The following RBFOX1 variants were observed in gnomAD, a reference collection of about 807,000 sequenced individuals.
RBFOX1 encodes the protein RNA binding fox-1 homolog 1.
Under a neutral mutation model 57.7 loss-of-function variants are expected in RBFOX1, and 8 were observed. The observed-to-expected ratio is 0.14, with a 90% CI of 0.08 to 0.25. RBFOX1 has a LOEUF of 0.25. Among genes scored for constraint, RBFOX1 ranks in the 10% least tolerant of loss-of-function variants. The pLI is 1.00. For missense variants in RBFOX1, 611 were observed against 548.5 expected, an observed-to-expected ratio of 1.11 and a Z score of -1.14; for synonymous variants, 326 against 222.4, an observed-to-expected ratio of 1.47 and a Z score of -4.15.
intron 4 of RBFOX1, among the ~76,000 whole-genome samples, chr16:7,284,440 C>T (rs1300441446): frequency 6.6e-6 from 1 of 152,166 alleles, no homozygotes; most frequent in Admixed American, 6.5e-5. Context: ...AAGCAGTCCT[C>T]CCACCTCAGC....
chr16:5,290,907 C>T (rs1339245462), intron 1 of RBFOX1, among the ~76,000 whole-genome samples: 2 of 152,038 alleles, frequency 1.3e-5, no homozygotes, highest in Non-Finnish European at 2.9e-5. Flanking sequence ...CCATGTTGAC[C>T]AGGCTGGTCT....
In RBFOX1 at chr16:6,637,949, A is replaced by C. The variant is rs375586253; in HGVS notation, c.-63-16654A>C. 1.4e-4 allele frequency among the ~76,000 whole-genome samples: 22 copies of C among 152,252 alleles called. No homozygotes were observed. In the East Asian group the frequency reaches 1.7e-3, roughly 12 times the overall value. On this transcript the variant is annotated intron_variant, in intron 2 of 15. Transcript: ENST00000550418. Reference sequence around the variant, plus strand: ...TAAAATGACAAAGTCTCTGTGCTTCAGTATATTAGCCTTCATAATTTTCAA... The same window carrying C: ...TAAAATGACAAAGTCTCTGTGCTTCCGTATATTAGCCTTCATAATTTTCAA...
At chr16:6,087,912 A>G (rs2096112688) in intron 1 of RBFOX1, among the ~76,000 whole-genome samples, 1 of 152,104 alleles carries the variant, frequency 6.6e-6, no homozygotes, top group South Asian at 2.1e-4. Context: ...CGGCCTCCCA[A>G]AATGCTGGGA....
chr16:6,949,208 T>A (rs2080189615), intron 3 of RBFOX1, among the ~76,000 whole-genome samples: 1 of 151,852 alleles, frequency 6.6e-6, no homozygotes, highest in Non-Finnish European at 1.5e-5. Flanking sequence ...AAAGCTAAAT[T>A]CCAGGATATA....
At position 6,704,073 on chromosome 16, in the gene RBFOX1, G is replaced by T. The variant is rs940098356; in HGVS notation, c.-16+49423G>T. 2.0e-5 allele frequency: 3 copies of T among 152,268 alleles called. No individual in the cohort carries two copies. The East Asian group carries it at 5.8e-4, about 29-fold the overall frequency. 9.4% of individuals were successfully genotyped at this position (152,268 alleles called of 1,614,324 possible). ...CTCCTCGAGCTCTTTGAAGTTGAGG[G>T]AGTCTATACTGCCAGGCACTATCCT... On this transcript the variant is annotated intron_variant, in intron 3 of 15. Coordinates refer to ENST00000550418, the MANE Select transcript of RBFOX1 (RefSeq NM_018723.4).
At chr16:7,690,211 G>C (rs755315427) in intron 14 of RBFOX1, among the ~76,000 whole-genome samples, 1 of 152,024 alleles carries the variant, frequency 6.6e-6, no homozygotes, top group Non-Finnish European at 1.5e-5. Context: ...CTCAGGAATG[G>C]GCCCTATCAC....
intron 2 of RBFOX1, among the ~76,000 whole-genome samples, chr16:6,477,719 T>C (rs568457061): frequency 6.6e-6 from 1 of 152,236 alleles, no homozygotes; most frequent in Non-Finnish European, 1.5e-5. Context: ...AGCCAGGTGT[T>C]GACTTCTTTC....
intron 1 of RBFOX1, among the ~76,000 whole-genome samples, chr16:5,423,371 G>A (rs1333480572): frequency 1.3e-5 from 2 of 152,010 alleles, no homozygotes; most frequent in African/African-American, 2.4e-5. Flanking sequence ...TTTCTCTGAT[G>A]TATAGATTTA....
intron 1 of RBFOX1, among the ~76,000 whole-genome samples, chr16:6,058,993 C>A (rs2095651719): frequency 6.6e-6 from 1 of 152,158 alleles, no homozygotes; most frequent in Non-Finnish European, 1.5e-5. Flanking sequence ...GCTGGAAAAC[C>A]AAGAAAAATG....
At chr16:5,922,478 G>A (rs2058845947) in intron 4 of RBFOX1, among the ~76,000 whole-genome samples, 1 of 152,110 alleles carries the variant, frequency 6.6e-6, no homozygotes, top group South Asian at 2.1e-4. Context: ...TAACACACTG[G>A]AAGTTCCTGC....
intron 1 of RBFOX1, among the ~76,000 whole-genome samples, chr16:5,246,347 A>G (rs1464721011): frequency 2.0e-5 from 3 of 152,220 alleles, no homozygotes; most frequent in Non-Finnish European, 4.4e-5. Flanking sequence ...TGAATTGACA[A>G]AAAGTATGTA....
intron 1 of RBFOX1, among the ~76,000 whole-genome samples, chr16:5,389,849 CA>C (rs2066356535): frequency 6.6e-6 from 1 of 151,732 alleles, no homozygotes; most frequent in Admixed American, 6.6e-5. Context: ...AGGTGCCTGC[CA>C]CCACGACCAG....
chr16:7,188,882 G>C (rs1281705359), intron 4 of RBFOX1, among the ~76,000 whole-genome samples: 1 of 152,108 alleles, frequency 6.6e-6, no homozygotes, highest in African/African-American at 2.4e-5. Context: ...AAGGTTTAAG[G>C]AACAGAGGAT....
intron 2 of RBFOX1, among the ~76,000 whole-genome samples, chr16:6,446,880 A>C (rs540820096): frequency 1.3e-5 from 2 of 152,308 alleles, no homozygotes; most frequent in African/African-American, 2.4e-5. Context: ...TGAGACCTAA[A>C]AGTGTTTGGA....
At chr16:5,703,066 A>T (rs1042306629) in intron 3 of RBFOX1, among the ~76,000 whole-genome samples, 1 of 152,202 alleles carries the variant, frequency 6.6e-6, no homozygotes, top group Non-Finnish European at 1.5e-5. Flanking sequence ...AGTTGATGGT[A>T]GGCACTAAGA....
At chr16:6,924,402 C>T (rs536150109) in intron 3 of RBFOX1, among the ~76,000 whole-genome samples, 44 of 152,028 alleles carry the variant, frequency 2.9e-4, no homozygotes, top group African/African-American at 1.0e-3. Flanking sequence ...CTTTAAACAA[C>T]CAGATCTCGT....
intron 1 of RBFOX1, among the ~76,000 whole-genome samples, chr16:5,382,385 T>C (rs1444370040): frequency 8.3e-6 from 1 of 119,794 alleles, no homozygotes; most frequent in Non-Finnish European, 1.8e-5. Flanking sequence ...AATCATGCCA[T>C]TTTCATCTTT....
chr16:6,670,515 A>G (rs1273387661), intron 3 of RBFOX1, among the ~76,000 whole-genome samples: 1 of 152,254 alleles, frequency 6.6e-6, no homozygotes, highest in Non-Finnish European at 1.5e-5. Context: ...AGCTAAGGAT[A>G]TAACAGAAAA....
At chr16:5,383,920 A>G (rs975182383) in intron 1 of RBFOX1, among the ~76,000 whole-genome samples, 2 of 152,220 alleles carry the variant, frequency 1.3e-5, no homozygotes, top group Admixed American at 6.5e-5. Flanking sequence ...GGCCAGTGTC[A>G]TCAGGACTCA....
Sources: gnomAD v4.1 joint callset for allele counts (sites outside exome capture counted in the v4.1 genomes callset) on GRCh38, gnomAD v4.1.1 for gene constraint, MANE v1.5 for transcripts, NCBI Gene and HGNC (gene_info 2026-07-23, HGNC 2026-07-21) for gene names.